The following NBAS variants were observed in gnomAD, a reference collection of about 807,000 sequenced individuals.
The protein encoded by NBAS is NBAS subunit of NRZ tethering complex.
NBAS carries 219 observed loss-of-function variants against 302.5 expected under a neutral mutation model. The ratio of observed to expected loss-of-function variants is 0.72; its 90% CI spans 0.65 to 0.81. The LOEUF (loss-of-function observed/expected upper bound fraction) is 0.81, where lower values mean the gene tolerates loss of function less well. Among genes scored for constraint, NBAS ranks in the 30% least tolerant of loss-of-function variants. The pLI, the probability that NBAS is intolerant of heterozygous loss-of-function variation, is 0.00. For missense variants in NBAS, 2,932 were observed against 2,841.6 expected (o/e 1.03, Z -0.72); for synonymous variants, 1,118 against 1,021.6 (o/e 1.09, Z -1.80).
In NBAS at chr2:15,203,335, G is replaced by A. The variant is rs77882633; in HGVS notation, c.6433-12932C>T. Among the ~76,000 whole-genome samples, 372 of 152,224 alleles carry A rather than the reference G, an allele frequency of 2.4e-3. 2 individuals carry two copies. Among genetic ancestry groups the A allele is most frequent in the African/African-American group, 8.5e-3 (352 of 41,534 alleles). On this transcript the variant is annotated intron_variant, in intron 48 of 51. Coordinates refer to ENST00000281513, the MANE Select transcript of NBAS (RefSeq NM_015909.4). ...GAGTGATGAGATCACCTATGTTACA[G>A]GGCTGTTACAACGTTTAGATGAAAT...
chr2:15,466,813 T>C (rs1261285858), intron 19 of NBAS, among the ~76,000 whole-genome samples: 2 of 151,990 alleles, frequency 1.3e-5, no homozygotes, highest in African/African-American at 4.8e-5. Flanking sequence ...GGCATGTGCC[T>C]GTAGTTCCAG....
At chr2:15,270,609 C>T (rs1669275413) in intron 44 of NBAS, among the ~76,000 whole-genome samples, 1 of 152,114 alleles carries the variant, frequency 6.6e-6, no homozygotes, top group African/African-American at 2.4e-5. Flanking sequence ...ATTTAATCAA[C>T]CACTTAAGTA....
chr2:15,430,385 G>A (rs974557604), intron 21 of NBAS, among the ~76,000 whole-genome samples: 4 of 152,048 alleles, frequency 2.6e-5, no homozygotes, highest in Non-Finnish European at 5.9e-5. Context: ...CAATGATGAT[G>A]ATAATAATAG....
chr2:15,218,196 T>G (rs1016218417), intron 48 of NBAS, among the ~76,000 whole-genome samples: 103 of 152,324 alleles, frequency 6.8e-4, no homozygotes, highest in African/African-American at 2.5e-3. Flanking sequence ...TAACGGATAC[T>G]GTGAACCATC....
intron 11 of NBAS, among the ~76,000 whole-genome samples, chr2:15,492,138 A>C (rs1680883530): frequency 6.6e-6 from 1 of 152,228 alleles, no homozygotes; most frequent in Admixed American, 6.5e-5. Flanking sequence ...ACAGTATAAT[A>C]AATATCCACA....
intron 11 of NBAS, among the ~76,000 whole-genome samples, chr2:15,499,543 A>G (rs146921066): frequency 6.6e-6 from 1 of 152,210 alleles, no homozygotes. Flanking sequence ...GTTCTTACTT[A>G]TAAGTAGGAG....
chr2:15,028,623 C>A, the NBAS span, among the ~76,000 whole-genome samples: 1 of 152,178 alleles, frequency 6.6e-6, no homozygotes, highest in Non-Finnish European at 1.5e-5. Context: ...CTGATGTCAT[C>A]TTGCTCTCTA....
chr2:15,019,598 T>G, the NBAS span, among the ~76,000 whole-genome samples: 1 of 152,186 alleles, frequency 6.6e-6, no homozygotes, highest in Non-Finnish European at 1.5e-5. Context: ...CATCTTATTT[T>G]CACTGCATGA....
At chr2:15,419,934 G>A (rs1677131037) in intron 23 of NBAS, among the ~76,000 whole-genome samples, 1 of 151,906 alleles carries the variant, frequency 6.6e-6, no homozygotes, top group Non-Finnish European at 1.5e-5. Flanking sequence ...GGATGGTCTC[G>A]ATCTCCTGAC....
downstream of NBAS, among the ~76,000 whole-genome samples, chr2:15,162,128 G>C (rs1293036991): frequency 2.6e-5 from 4 of 151,768 alleles, no homozygotes; most frequent in African/African-American, 9.7e-5. Context: ...AGTCGTATTA[G>C]CCAGGCCAGC....
intron 51 of NBAS, among the ~76,000 whole-genome samples, chr2:15,169,223 C>G (rs917498193): frequency 1.4e-4 from 21 of 152,264 alleles, no homozygotes; most frequent in Non-Finnish European, 4.4e-5. Flanking sequence ...TACAGCCCAC[C>G]TTTGACCCCA....
At chr2:15,346,131 G>A (rs1269907914) in intron 35 of NBAS, among the ~76,000 whole-genome samples, 1 of 152,108 alleles carries the variant, frequency 6.6e-6, no homozygotes, top group African/African-American at 2.4e-5. Context: ...CAAAGCAATT[G>A]CAACAAAAGC....
chr2:15,384,592 T>C (rs140852604), intron 28 of NBAS, among the ~76,000 whole-genome samples: 4 of 149,820 alleles, frequency 2.7e-5, no homozygotes, highest in African/African-American at 9.8e-5. Flanking sequence ...TACAAATACA[T>C]CTTGTTTTTT....
chr2:15,018,148 G>A, the NBAS span, among the ~76,000 whole-genome samples: 1 of 151,966 alleles, frequency 6.6e-6, no homozygotes, highest in African/African-American at 2.4e-5. Flanking sequence ...AGGGTAGGGG[G>A]AAGAGGAGGA....
At chr2:15,323,655 ACT>A (rs1558534455) in intron 38 of NBAS, among the ~76,000 whole-genome samples, 2 of 151,802 alleles carry the variant, frequency 1.3e-5, no homozygotes, top group Non-Finnish European at 2.9e-5. Context: ...ACACGAGGAG[ACT>A]CTGTCTCTGC....
At chr2:15,231,124 T>A (rs1039979991) in intron 47 of NBAS, among the ~76,000 whole-genome samples, 1 of 152,216 alleles carries the variant, frequency 6.6e-6, no homozygotes, top group Non-Finnish European at 1.5e-5. Context: ...TTCTTATCCA[T>A]ATGACTCCTT....
the NBAS span, among the ~76,000 whole-genome samples, chr2:14,887,277 G>A: frequency 6.6e-6 from 1 of 152,010 alleles, no homozygotes; most frequent in Non-Finnish European, 1.5e-5. Flanking sequence ...GGTGGCACAT[G>A]CCTGTAATCT....
At chr2:14,927,175 A>G in the NBAS span, among the ~76,000 whole-genome samples, 1 of 152,188 alleles carries the variant, frequency 6.6e-6, no homozygotes, top group Non-Finnish European at 1.5e-5. Flanking sequence ...CTGAGTCTCC[A>G]GCCTATCAGC....
intron 31 of NBAS, among the ~76,000 whole-genome samples, chr2:15,372,792 C>T (rs1674551799): frequency 1.3e-5 from 2 of 152,314 alleles, no homozygotes; most frequent in African/African-American, 4.8e-5. Context: ...TATTCAAACC[C>T]AGCAGCTGAT....
Sources: allele counts gnomAD v4.1 joint callset (sites outside exome capture counted in the v4.1 genomes callset), GRCh38; gene constraint gnomAD v4.1.1; transcripts MANE v1.5; gene names NCBI Gene and HGNC (gene_info 2026-07-23, HGNC 2026-07-21).